GPR55: variants seen among roughly 807,000 people sequenced by gnomAD.
GPR55 encodes the protein G-protein coupled receptor 55.
A neutral mutation model predicts 7.9 loss-of-function variants in GPR55; 6 were observed. The observed-to-expected ratio is 0.76, with a 90% CI of 0.41 to 1.49. GPR55 has a LOEUF of 1.49. Among genes scored for constraint, GPR55 ranks in the 40% most tolerant of loss-of-function variants. GPR55 has a pLI of 0.01. For missense variants in GPR55, 376 were observed against 406.0 expected, an observed-to-expected ratio of 0.93 and a Z score of 0.63; for synonymous variants, 183 against 166.8, an observed-to-expected ratio of 1.10 and a Z score of -0.75.
At chr2:230,945,420 G>A (rs1306655926) in intron 1 of GPR55, among the ~76,000 whole-genome samples, 1 of 151,506 alleles carries the variant, frequency 6.6e-6, no homozygotes, top group African/African-American at 2.4e-5. Context: ...GAAAAGGAAA[G>A]GGGAAAAAAA....
At chr2:230,913,586 C>T (rs533830421) in intron 1 of GPR55, among the ~76,000 whole-genome samples, 1 of 152,136 alleles carries the variant, frequency 6.6e-6, no homozygotes, top group East Asian at 1.9e-4. Flanking sequence ...CCTTGGTGTC[C>T]TGTGGTCTGT....
Position 230,909,374 on chromosome 2 carries a change from C to T in GPR55, c.*629G>A, listed in dbSNP as rs6756784. 22,798 of 152,468 alleles carry T rather than the reference C, an allele frequency of 0.15. 1,901 individuals are homozygous for T. Among genetic ancestry groups the T allele is most frequent in the Middle Eastern group, 0.2 (59 of 296 alleles). The allele number at this position is 152,468 out of a possible 1,614,324, so 9.4% of individuals were successfully genotyped here. ...GGGCACGGAAAGGTGTGGCTGGCTTCCTTCACCTTTCTGAGGCTCACTGGA... is the reference window on the plus strand; with the variant it reads ...GGGCACGGAAAGGTGTGGCTGGCTTTCTTCACCTTTCTGAGGCTCACTGGA... On this transcript the variant is annotated 3_prime_UTR_variant, in exon 2 of 2. Transcript: ENST00000650999.
At position 230,910,233 on chromosome 2, in the gene GPR55, G is replaced by A. The variant is rs1690553796; in HGVS notation, c.730C>T (p.Leu244=). The part of the protein sequence containing the change: ...VFVVSFLPVH[L]GFFLQFLVRN... The stretch of plus-strand genomic sequence containing the variant: ...ACCAGGAACTGCAGGAAGAACCCCA[G>A]GTGGACTGGGAGGAAGGAGACCACG... Residue 244 remains leucine, a synonymous_variant, in exon 2 of 2, where the codon CTG becomes TTG. Coordinates refer to ENST00000650999, the MANE Select transcript of GPR55 (RefSeq NM_005683.4). This position sits in a 1 kb window ranked among gnomAD's most constrained non-coding sequence, Gnocchi z 5.4. 2.5e-6 allele frequency: 4 copies of A among 1,614,036 alleles called. No individual in the cohort carries two copies. Among genetic ancestry groups the A allele is most frequent in the Non-Finnish European group, 3.4e-6 (4 of 1,180,000 alleles).
chr2:230,954,433 T>C (rs560582295), intron 1 of GPR55, among the ~76,000 whole-genome samples: 1 of 152,358 alleles, frequency 6.6e-6, no homozygotes, highest in South Asian at 2.1e-4. Flanking sequence ...AGTTCCCTCC[T>C]TTCCATGCCA....
In GPR55 at chr2:230,961,043, C is replaced by T. The variant is rs558999884; in HGVS notation, c.-403G>A. On this transcript the variant is annotated 5_prime_UTR_variant, in exon 1 of 2. Transcript: ENST00000392039. ...AAACCATGCCCAGCCGAAAAGTAAC[C>T]ATTTTGAAAGCCCAGAGCATTCTGT... The T allele has an allele frequency of 3.3e-5, 5 of 152,288 alleles. No homozygotes were observed. In the East Asian group the frequency reaches 9.6e-4, roughly 29 times the overall value. The allele number at this position is 152,288 out of a possible 1,614,324, so 9.4% of individuals were successfully genotyped here. A position where few individuals can be genotyped will look rare whatever the true frequency, so the allele number is the denominator to read the frequency against.
At chr2:230,952,889 C>T (rs1048532050) in intron 1 of GPR55, among the ~76,000 whole-genome samples, 8 of 152,180 alleles carry the variant, frequency 5.3e-5, no homozygotes, top group South Asian at 2.1e-4. Context: ...AGGTGCTGGC[C>T]GATGTCTGCG....
intron 1 of GPR55, among the ~76,000 whole-genome samples, chr2:230,952,518 A>T (rs1387973478): frequency 2.0e-5 from 3 of 152,206 alleles, no homozygotes; most frequent in Non-Finnish European, 4.4e-5. Flanking sequence ...TTCCCAGGGC[A>T]GGGCTGCTGA....
rs565936137 is a variant in GPR55 at position 230,924,273 on chromosome 2, G to T, written c.-135+895C>A. ...TGGTGCTCCCTTTACAGCTGGGACAGCCGCTCAGAACCAAAGGCAAACCTT... is the reference window on the plus strand; with the variant it reads ...TGGTGCTCCCTTTACAGCTGGGACATCCGCTCAGAACCAAAGGCAAACCTT... On this transcript the variant is annotated intron_variant, in intron 1 of 1. Coordinates refer to ENST00000650999, the MANE Select transcript of GPR55 (RefSeq NM_005683.4). The surrounding 1 kb of genome is among the most constrained non-coding windows in gnomAD (Gnocchi z 4.5). Among the ~76,000 whole-genome samples the T allele has an allele frequency of 6.6e-6, 1 of 152,338 alleles. No individual in the cohort carries two copies. The highest frequency in any genetic ancestry group is 2.1e-4 in the South Asian group (1 of 4,830).
At chr2:230,956,739 T>C (rs4973355) in intron 1 of GPR55, among the ~76,000 whole-genome samples, 10,297 of 152,208 alleles carry the variant, frequency 0.068, 741 homozygotes, top group East Asian at 0.4. Flanking sequence ...TTTAAAAAAA[T>C]CTTTATCTTG....
At chr2:230,931,612 C>T (rs891429243) in intron 1 of GPR55, among the ~76,000 whole-genome samples, 3 of 152,182 alleles carry the variant, frequency 2.0e-5, no homozygotes, top group African/African-American at 7.2e-5. Flanking sequence ...CTTGTTAAGA[C>T]GCTGAGCAGG....
chr2:230,943,596 G>C (rs1691268191), intron 1 of GPR55, among the ~76,000 whole-genome samples: 1 of 152,222 alleles, frequency 6.6e-6, no homozygotes, highest in Non-Finnish European at 1.5e-5. Context: ...ATGGAGTTTG[G>C]GTGTTGTCCC....
At chr2:230,951,530 G>A (rs1384156859) in intron 1 of GPR55, among the ~76,000 whole-genome samples, 1 of 152,158 alleles carries the variant, frequency 6.6e-6, no homozygotes, top group Non-Finnish European at 1.5e-5. Context: ...CTAGGGAAGA[G>A]GGCAGCCTAT....
At chr2:230,930,168 CA>C (rs1296195913), upstream of GPR55, among the ~76,000 whole-genome samples, 1 of 152,242 alleles carries the variant, frequency 6.6e-6, no homozygotes. Flanking sequence ...CACCAGGTCA[CA>C]GCTACTGAGC....
At chr2:230,915,531 T>C (rs981040987) in intron 1 of GPR55, among the ~76,000 whole-genome samples, 1 of 152,068 alleles carries the variant, frequency 6.6e-6, no homozygotes, top group African/African-American at 2.4e-5. Flanking sequence ...CCCCAAACCA[T>C]TGTGAGTCAA....
intron 1 of GPR55, among the ~76,000 whole-genome samples, chr2:230,950,187 C>G (rs910494944): frequency 4.6e-5 from 7 of 152,224 alleles, no homozygotes; most frequent in African/African-American, 1.4e-4. Context: ...TAGATAAGAG[C>G]TTTTTGAGAT....
chr2:230,910,982 A>G lies in GPR55; in HGVS notation c.-20T>C. The G allele has an allele frequency of 1.3e-6, 2 of 1,574,602 alleles. No individual in the cohort carries two copies. Among genetic ancestry groups the G allele is most frequent in the South Asian group, 1.2e-5 (1 of 84,152 alleles). On this transcript the variant is annotated 5_prime_UTR_variant, in exon 2 of 2. Coordinates refer to ENST00000650999, the MANE Select transcript of GPR55 (RefSeq NM_005683.4). This position sits in a 1 kb window ranked among gnomAD's most constrained non-coding sequence, Gnocchi z 5.4. ...ACTCATGTTTCTTCCTACAACACCA[A>G]CAGATCAGACGGGGCTCCTTTCACT... is the stretch of plus-strand genomic sequence containing the variant.
chr2:230,932,205 C>T (rs1047158055), intron 1 of GPR55, among the ~76,000 whole-genome samples: 2 of 152,218 alleles, frequency 1.3e-5, no homozygotes, highest in East Asian at 1.9e-4. Flanking sequence ...CTTCTCTGGG[C>T]GCCTGCCCGT....
At chr2:230,922,476 A>G (rs527792367) in intron 1 of GPR55, among the ~76,000 whole-genome samples, 1 of 152,200 alleles carries the variant, frequency 6.6e-6, no homozygotes, top group African/African-American at 2.4e-5. Flanking sequence ...CCCAGGCTCA[A>G]GCAATCCTCC....
intron 1 of GPR55, among the ~76,000 whole-genome samples, chr2:230,939,371 G>C: frequency 1.3e-5 from 2 of 152,150 alleles, no homozygotes; most frequent in East Asian, 3.8e-4. Context: ...CTTCAAGGGT[G>C]GGGCAGTTTG....
Sources: gnomAD v4.1 joint callset for allele counts (sites outside exome capture counted in the v4.1 genomes callset) on GRCh38, gnomAD v4.1.1 for gene constraint, Gnocchi (gnomAD v3.1) non-coding constraint, MANE v1.5 for transcripts, NCBI Gene and HGNC (gene_info 2026-07-23, HGNC 2026-07-21) for gene names.